STXBP5L: variants seen among roughly 807,000 people sequenced by gnomAD.
The protein encoded by STXBP5L is syntaxin binding protein 5L, also known as syntaxin-binding protein 5-like.
A neutral mutation model predicts 144.5 loss-of-function variants in STXBP5L; 65 were observed. The observed-to-expected ratio is 0.45, with a 90% CI of 0.37 to 0.55. The LOEUF (loss-of-function observed/expected upper bound fraction) is 0.55. Ranked by LOEUF, STXBP5L falls within the 20% of genes least tolerant of loss-of-function variation. The pLI is 0.00. For synonymous variants in STXBP5L, 505 were observed against 469.6 expected (o/e 1.08, Z -0.97); for missense variants, 1,298 against 1,405.5 (o/e 0.92, Z 1.22).
At position 121,013,942 on chromosome 3, in the gene STXBP5L, G is replaced by A. The variant is rs556818791; in HGVS notation, c.288-27758G>A. ...TTGTCAACTTTGTCAAAGATCAGAT[G>A]GTTGTAGGTATACAGCATTATTTCT... On this transcript the variant is annotated intron_variant, in intron 3 of 26. Coordinates refer to ENST00000471454, the MANE Select transcript of STXBP5L (RefSeq NM_001308330.2). 3.9e-5 allele frequency among the ~76,000 whole-genome samples: 6 copies of A among 152,074 alleles called. No individual in the cohort carries two copies. In the South Asian group the frequency reaches 1.0e-3, roughly 26 times the overall value.
chr3:120,921,165 A>T (rs535341051), intron 2 of STXBP5L, among the ~76,000 whole-genome samples: 19 of 152,074 alleles, frequency 1.2e-4, no homozygotes, highest in African/African-American at 4.6e-4. Flanking sequence ...TATAAAAGCC[A>T]TTTTAACTGG....
At chr3:121,018,099 G>A (rs944707174) in intron 3 of STXBP5L, among the ~76,000 whole-genome samples, 1 of 150,556 alleles carries the variant, frequency 6.6e-6, no homozygotes, top group Non-Finnish European at 1.5e-5. Flanking sequence ...ATGAATGAAT[G>A]AATGAAGAGA....
chr3:121,137,910 A>G (rs2045335333), intron 7 of STXBP5L, among the ~76,000 whole-genome samples: 1 of 152,096 alleles, frequency 6.6e-6, no homozygotes, highest in Non-Finnish European at 1.5e-5. Flanking sequence ...ATACAACATA[A>G]TACTGGAAGT....
At chr3:121,396,128 A>G (rs1343175740) in intron 22 of STXBP5L, among the ~76,000 whole-genome samples, 1 of 152,244 alleles carries the variant, frequency 6.6e-6, no homozygotes, top group Non-Finnish European at 1.5e-5. Flanking sequence ...TGGTTTCTGT[A>G]GATGCTGTTC....
chr3:121,364,020 T>A (rs1461851478), intron 20 of STXBP5L, among the ~76,000 whole-genome samples: 1 of 152,190 alleles, frequency 6.6e-6, no homozygotes, highest in Non-Finnish European at 1.5e-5. Flanking sequence ...TCATTTGAGG[T>A]ACACAGTTTT....
At chr3:121,051,941 T>A (rs985872501) in intron 5 of STXBP5L, among the ~76,000 whole-genome samples, 1 of 152,090 alleles carries the variant, frequency 6.6e-6, no homozygotes, top group Non-Finnish European at 1.5e-5. Context: ...CATCAGAGAA[T>A]ATTACAAACA....
intron 21 of STXBP5L, 71 bp downstream of exon 21, chr3:121,378,957 A>T (rs2046260405): frequency 2.1e-6 from 3 of 1,456,600 alleles, no homozygotes; most frequent in Admixed American, 4.1e-5. Context: ...GAACAGAGAT[A>T]TGGGATGGAG....
chr3:121,255,910 G>C (rs1021239529), intron 16 of STXBP5L, among the ~76,000 whole-genome samples: 3 of 151,952 alleles, frequency 2.0e-5, no homozygotes, highest in African/African-American at 7.2e-5. Context: ...TTTACTATAG[G>C]CCTGGGTATA....
intron 26 of STXBP5L, 22 bp from the exon 27 acceptor site, chr3:121,419,034 G>C: frequency 6.2e-7 from 1 of 1,609,198 alleles, no homozygotes; most frequent in East Asian, 2.2e-5. Context: ...AGCGTCTTAT[G>C]GTGGCTATTT....
intron 7 of STXBP5L, among the ~76,000 whole-genome samples, chr3:121,145,344 C>G (rs2045673722): frequency 1.4e-5 from 2 of 139,430 alleles, no homozygotes; most frequent in Admixed American, 7.7e-5. Flanking sequence ...GCTAATAGGT[C>G]TAAGAACAAA....
chr3:121,379,414 G>C, intron 21 of STXBP5L, among the ~76,000 whole-genome samples: 1 of 152,028 alleles, frequency 6.6e-6, no homozygotes, highest in East Asian at 1.9e-4. Context: ...AAGAGCCAGA[G>C]ACCAGAAATT....
intron 7 of STXBP5L, among the ~76,000 whole-genome samples, chr3:121,152,045 G>A (rs901508358): frequency 2.0e-5 from 3 of 151,664 alleles, no homozygotes; most frequent in African/African-American, 4.8e-5. Context: ...TATTGAATTC[G>A]GTCAAAGAGA....
intron 3 of STXBP5L, among the ~76,000 whole-genome samples, chr3:120,986,889 G>T (rs1483184764): frequency 2.0e-5 from 3 of 151,864 alleles, no homozygotes; most frequent in Non-Finnish European, 4.4e-5. Context: ...GAAAATTATT[G>T]AGTCTAAAGA....
chr3:120,969,139 C>G (rs551221040), intron 3 of STXBP5L, among the ~76,000 whole-genome samples: 3 of 152,068 alleles, frequency 2.0e-5, no homozygotes, highest in South Asian at 4.1e-4. Context: ...AGTGTTTGTA[C>G]TAATTTACAT....
At chr3:120,983,923 G>T (rs1448673466) in intron 3 of STXBP5L, among the ~76,000 whole-genome samples, 2 of 152,188 alleles carry the variant, frequency 1.3e-5, no homozygotes, top group Non-Finnish European at 2.9e-5. Context: ...AGCTGCATCT[G>T]GCCAGCCATT....
At chr3:120,989,415 C>T (rs891612048) in intron 3 of STXBP5L, among the ~76,000 whole-genome samples, 6 of 151,946 alleles carry the variant, frequency 3.9e-5, no homozygotes, top group African/African-American at 7.2e-5. Flanking sequence ...TATGTTTATT[C>T]GCAATTTATA....
intron 10 of STXBP5L, among the ~76,000 whole-genome samples, chr3:121,218,000 T>C (rs1332227139): frequency 6.9e-6 from 1 of 144,770 alleles, no homozygotes; most frequent in Non-Finnish European, 1.5e-5. Flanking sequence ...CTATATAATA[T>C]ATAGTATAAT....
At chr3:121,359,705 T>C (rs565759192) in intron 20 of STXBP5L, among the ~76,000 whole-genome samples, 1 of 152,046 alleles carries the variant, frequency 6.6e-6, no homozygotes, top group Non-Finnish European at 1.5e-5. Flanking sequence ...GAAGATGCTG[T>C]CTTTTCTGCA....
chr3:121,086,659 C>T (rs1362668262), intron 5 of STXBP5L, among the ~76,000 whole-genome samples: 1 of 152,014 alleles, frequency 6.6e-6, no homozygotes, highest in East Asian at 1.9e-4. Context: ...GAGATTATTC[C>T]TACCAGGTGA....
Sources: gnomAD v4.1 joint callset for allele counts (sites outside exome capture counted in the v4.1 genomes callset) on GRCh38, gnomAD v4.1.1 for gene constraint, MANE v1.5 for transcripts, NCBI Gene and HGNC (gene_info 2026-07-23, HGNC 2026-07-21) for gene names.